The following TNFSF4 variants were observed in gnomAD, a reference collection of about 807,000 sequenced individuals.
TNFSF4 encodes the protein tumor necrosis factor ligand superfamily member 4.
In TNFSF4, 4 loss-of-function variants were observed where a neutral mutation model predicts 7.3. That is an observed-to-expected ratio of 0.55 (90% CI 0.27 to 1.25). TNFSF4 has a LOEUF of 1.25. Ranked by LOEUF, TNFSF4 falls within the 50% of genes most tolerant of loss-of-function variation. The probability of loss-of-function intolerance (pLI) is 0.12; values close to 1 mark genes in which losing one functional copy is unlikely to be tolerated. For missense variants in TNFSF4, 181 were observed against 208.8 expected, an observed-to-expected ratio of 0.87 and a Z score of 0.82; for synonymous variants, 76 against 83.7, an observed-to-expected ratio of 0.91 and a Z score of 0.50.
the TNFSF4 span, among the ~76,000 whole-genome samples, chr1:173,213,853 A>T: frequency 1.3e-5 from 2 of 152,214 alleles, no homozygotes; most frequent in Non-Finnish European, 2.9e-5. Context: ...TTTCTCAACT[A>T]AGGGTAGATT....
At chr1:173,321,331 T>G in the TNFSF4 span, among the ~76,000 whole-genome samples, 13 of 152,004 alleles carry the variant, frequency 8.6e-5, no homozygotes, top group Admixed American at 6.6e-4. Flanking sequence ...ATTAATTCAA[T>G]ATGGATTAAA....
chr1:173,179,415 G>A (rs1318626940), downstream of TNFSF4, among the ~76,000 whole-genome samples: 1 of 152,162 alleles, frequency 6.6e-6, no homozygotes, highest in East Asian at 1.9e-4. Flanking sequence ...TGCTACACAG[G>A]AAGAGGAATT....
the TNFSF4 span, among the ~76,000 whole-genome samples, chr1:173,334,885 G>A: frequency 1.3e-5 from 2 of 152,030 alleles, no homozygotes; most frequent in Non-Finnish European, 2.9e-5. Flanking sequence ...ATCCCAGCAG[G>A]CCCCTAAAGG....
At chr1:173,364,381 G>GTATATATATA in the TNFSF4 span, among the ~76,000 whole-genome samples, 1 of 140,800 alleles carries the variant, frequency 7.1e-6, no homozygotes, top group East Asian at 2.0e-4. Flanking sequence ...GGGTGTATGT[G>GTATATATATA]TATATATATA....
At chr1:173,312,204 C>T in the TNFSF4 span, among the ~76,000 whole-genome samples, 1 of 152,114 alleles carries the variant, frequency 6.6e-6, no homozygotes, top group African/African-American at 2.4e-5. Flanking sequence ...TTACAACCCA[C>T]TAGCAACTGC....
rs749130265 is a variant in TNFSF4 at position 173,186,820 on chromosome 1, T to C, written c.248A>G (p.Asp83Gly). Residue 83 changes from aspartate (D) to glycine (G), a missense_variant, in exon 3 of 3, where the codon GAT becomes GGT. Transcript: ENST00000281834. ...GTTGTTCTGCACCTTCATGATTTCA[T>C]CCTCCTTTTGGGAAGTGAGGATGAA... ...KGFILTSQKE[D>G]EIMKVQNNSV... 1.9e-6 allele frequency: 3 copies of C among 1,611,392 alleles called. No homozygotes were observed.
At chr1:173,421,464 C>A in the TNFSF4 span, among the ~76,000 whole-genome samples, 4 of 152,264 alleles carry the variant, frequency 2.6e-5, no homozygotes, top group Admixed American at 2.6e-4. Flanking sequence ...CCCTCCCTAC[C>A]ATACTGCCCC....
At chr1:173,225,758 T>C in the TNFSF4 span, among the ~76,000 whole-genome samples, 1 of 152,142 alleles carries the variant, frequency 6.6e-6, no homozygotes, top group African/African-American at 2.4e-5. Flanking sequence ...GAACCATGAA[T>C]TGAAATTAAA....
At chr1:173,318,047 A>G in the TNFSF4 span, among the ~76,000 whole-genome samples, 1 of 152,366 alleles carries the variant, frequency 6.6e-6, no homozygotes, top group South Asian at 2.1e-4. Flanking sequence ...AAAGAAAAAT[A>G]GCACTTCAAC....
At chr1:173,206,739 C>T (rs1650210041) in intron 1 of TNFSF4, among the ~76,000 whole-genome samples, 1 of 152,056 alleles carries the variant, frequency 6.6e-6, no homozygotes, top group African/African-American at 2.4e-5. Flanking sequence ...AAAGTGACAG[C>T]TTATAAAGGG....
At chr1:173,214,871 G>C in the TNFSF4 span, among the ~76,000 whole-genome samples, 3 of 152,138 alleles carry the variant, frequency 2.0e-5, no homozygotes, top group African/African-American at 7.2e-5. Flanking sequence ...CAGAATCTCA[G>C]GGTAACCTAA....
the TNFSF4 span, among the ~76,000 whole-genome samples, chr1:173,300,047 TG>T: frequency 6.6e-6 from 1 of 151,776 alleles, no homozygotes; most frequent in African/African-American, 2.4e-5. Flanking sequence ...CAGGCTATAT[TG>T]GTCATTTGAT....
chr1:173,179,210 T>A (rs573863287), downstream of TNFSF4, among the ~76,000 whole-genome samples: 2 of 152,142 alleles, frequency 1.3e-5, no homozygotes, highest in East Asian at 3.9e-4. Flanking sequence ...TCTCAAAGAG[T>A]CTGATGATAA....
the TNFSF4 span, among the ~76,000 whole-genome samples, chr1:173,236,681 C>G: frequency 6.6e-6 from 1 of 152,040 alleles, no homozygotes; most frequent in African/African-American, 2.4e-5. Context: ...CTGCCATTCA[C>G]AGCACCATGG....
the TNFSF4 span, among the ~76,000 whole-genome samples, chr1:173,348,194 G>T: frequency 6.6e-6 from 1 of 152,142 alleles, no homozygotes; most frequent in Admixed American, 6.5e-5. Context: ...TCATGTTGTG[G>T]GAGGGACCAA....
chr1:173,224,872 C>T, the TNFSF4 span, among the ~76,000 whole-genome samples: 6 of 152,204 alleles, frequency 3.9e-5, no homozygotes, highest in Non-Finnish European at 7.3e-5. Flanking sequence ...AGCCTGTCCT[C>T]CCTCCACCTA....
At chr1:173,348,872 A>C in the TNFSF4 span, among the ~76,000 whole-genome samples, 3 of 152,214 alleles carry the variant, frequency 2.0e-5, no homozygotes, top group Non-Finnish European at 2.9e-5. Context: ...TGTTGTATTA[A>C]GCCACTGAGA....
At chr1:173,193,572 T>C (rs1269345734) in intron 1 of TNFSF4, among the ~76,000 whole-genome samples, 1 of 152,134 alleles carries the variant, frequency 6.6e-6, no homozygotes, top group African/African-American at 2.4e-5. Flanking sequence ...GTACTATTTT[T>C]CTCCCACGCG....
At chr1:173,230,987 T>C in the TNFSF4 span, among the ~76,000 whole-genome samples, 3 of 152,234 alleles carry the variant, frequency 2.0e-5, no homozygotes, top group Admixed American at 6.5e-5. Flanking sequence ...CAGCACCAGA[T>C]GGATTCACAG....
Sources: allele counts gnomAD v4.1 joint callset (sites outside exome capture counted in the v4.1 genomes callset), GRCh38; gene constraint gnomAD v4.1.1; transcripts MANE v1.5; gene names NCBI Gene and HGNC (gene_info 2026-07-23, HGNC 2026-07-21).